SEMA3A: variants seen among roughly 807,000 people sequenced by gnomAD.
SEMA3A encodes semaphorin 3A.
In SEMA3A, 29 loss-of-function variants were observed where a neutral mutation model predicts 97.9. The ratio of observed to expected loss-of-function variants is 0.30; its 90% CI spans 0.22 to 0.40. SEMA3A has a LOEUF of 0.40. Ranked by LOEUF, SEMA3A falls within the 10% of genes least tolerant of loss-of-function variation. SEMA3A has a pLI of 1.00. For synonymous variants in SEMA3A, 321 were observed against 323.7 expected, an observed-to-expected ratio of 0.99 and a Z score of 0.09; for missense variants, 763 against 951.3, an observed-to-expected ratio of 0.80 and a Z score of 2.60.
At chr7:84,343,814 A>C (rs1422739308) in intron 2 of SEMA3A, among the ~76,000 whole-genome samples, 1 of 152,160 alleles carries the variant, frequency 6.6e-6, no homozygotes, top group Non-Finnish European at 1.5e-5. Flanking sequence ...GAACATAATA[A>C]GACTTCATTT....
chr7:84,424,966 T>G (rs1424577504), intron 1 of SEMA3A, among the ~76,000 whole-genome samples: 1 of 102,304 alleles, frequency 9.8e-6, no homozygotes, highest in Admixed American at 1.5e-4. Context: ...TATATATAAT[T>G]TATATATTTA....
chr7:84,095,358 C>CACATATATATATATATATAT (rs1211794166), intron 4 of SEMA3A, among the ~76,000 whole-genome samples: 1,565 of 122,614 alleles, frequency 0.013, 56 homozygotes, highest in South Asian at 0.026. Context: ...TTTTTATATA[C>CACATATATATATATATATAT]ATATATATAT....
chr7:84,085,116 A>C (rs1334919941), intron 4 of SEMA3A, among the ~76,000 whole-genome samples: 1 of 152,136 alleles, frequency 6.6e-6, no homozygotes, highest in Non-Finnish European at 1.5e-5. Flanking sequence ...ATCTCTTTCA[A>C]ATAAAGAGGA....
chr7:84,455,100 TC>T (rs1231586528), intron 1 of SEMA3A, among the ~76,000 whole-genome samples: 36 of 152,100 alleles, frequency 2.4e-4, no homozygotes, highest in African/African-American at 8.4e-4. Flanking sequence ...ATATATTAAT[TC>T]TTTCTATCAG....
intron 5 of SEMA3A, among the ~76,000 whole-genome samples, chr7:84,049,089 C>T (rs1792482054): frequency 1.3e-5 from 2 of 152,002 alleles, no homozygotes; most frequent in Admixed American, 6.6e-5. Flanking sequence ...AACAGGTATT[C>T]AGTAAAAGAG....
At chr7:83,969,009 C>T (rs915378579) in intron 15 of SEMA3A, among the ~76,000 whole-genome samples, 6 of 151,988 alleles carry the variant, frequency 3.9e-5, no homozygotes, top group African/African-American at 1.4e-4. Context: ...TAGGGTTTTA[C>T]CATGTTGGCC....
chr7:84,135,096 A>C, intron 1 of SEMA3A, 145 bp from the exon 2 acceptor site: 1 of 535,966 alleles, frequency 1.9e-6, no homozygotes, highest in Non-Finnish European at 3.0e-6. Flanking sequence ...ATATATTGGA[A>C]CCAAAATGTG....
At chr7:84,342,226 G>C (rs1802189020) in intron 2 of SEMA3A, among the ~76,000 whole-genome samples, 1 of 151,986 alleles carries the variant, frequency 6.6e-6, no homozygotes. Context: ...GTAGAGATGG[G>C]GTTTCTCCAT....
intron 5 of SEMA3A, among the ~76,000 whole-genome samples, chr7:84,054,533 G>A (rs2115647255): frequency 6.6e-6 from 1 of 151,486 alleles, no homozygotes; most frequent in African/African-American, 2.4e-5. Flanking sequence ...TGTAGTTCTC[G>A]AGCCTTGGTT....
intron 3 of SEMA3A, among the ~76,000 whole-genome samples, chr7:84,275,038 A>G (rs972036996): frequency 2.6e-5 from 4 of 152,112 alleles, no homozygotes; most frequent in Non-Finnish European, 5.9e-5. Flanking sequence ...CTGCCACTTA[A>G]TAAGTCTGAT....
chr7:84,421,544 C>T (rs1259846571), intron 1 of SEMA3A, among the ~76,000 whole-genome samples: 1 of 152,026 alleles, frequency 6.6e-6, no homozygotes, highest in Non-Finnish European at 1.5e-5. Context: ...CCAGAACTTC[C>T]AATACTATGT....
chr7:84,319,921 T>C (rs780417288), intron 2 of SEMA3A, among the ~76,000 whole-genome samples: 11 of 152,158 alleles, frequency 7.2e-5, no homozygotes, highest in Non-Finnish European at 1.5e-4. Context: ...ATATTACGCA[T>C]TTAAAAATCA....
chr7:84,012,263 G>A (rs374090746), intron 7 of SEMA3A, among the ~76,000 whole-genome samples: 2 of 152,248 alleles, frequency 1.3e-5, no homozygotes, highest in East Asian at 3.9e-4. Flanking sequence ...GTGAGATAAT[G>A]CATATTAATT....
intron 3 of SEMA3A, among the ~76,000 whole-genome samples, chr7:84,208,873 G>T (rs1798560287): frequency 6.6e-6 from 1 of 152,064 alleles, no homozygotes; most frequent in African/African-American, 2.4e-5. Flanking sequence ...CATTATACAT[G>T]GATCTAAAGG....
At chr7:84,448,663 A>C (rs558163495) in intron 1 of SEMA3A, among the ~76,000 whole-genome samples, 1 of 152,212 alleles carries the variant, frequency 6.6e-6, no homozygotes, top group Admixed American at 6.5e-5. Flanking sequence ...ATGAACATTA[A>C]AAAAAGTAAA....
At chr7:84,232,159 T>C (rs13244575) in intron 3 of SEMA3A, among the ~76,000 whole-genome samples, 9,568 of 150,806 alleles carry the variant, frequency 0.063, 382 homozygotes, top group African/African-American at 0.12. Flanking sequence ...TCTGTCAAAA[T>C]TCTCTTTAAG....
rs75143334 is a variant in SEMA3A at position 84,193,593 on chromosome 7, T to A, written c.112+882A>T. ...AAGATTTACTGCCACTAAATGTATGTATATCATTTTGGGCTCTACTTTAGC... is the reference window on the plus strand; with the variant it reads ...AAGATTTACTGCCACTAAATGTATGAATATCATTTTGGGCTCTACTTTAGC... On this transcript the variant is annotated intron_variant, in intron 1 of 16. Coordinates refer to ENST00000265362, the MANE Select transcript of SEMA3A (RefSeq NM_006080.3). Among the ~76,000 whole-genome samples the A allele has an allele frequency of 6.0e-3, 913 of 152,176 alleles. 4 individuals are homozygous for A. Among genetic ancestry groups the A allele is most frequent in the Non-Finnish European group, 0.01 (693 of 67,930 alleles).
At chr7:84,052,854 C>G (rs1792746539) in intron 5 of SEMA3A, among the ~76,000 whole-genome samples, 1 of 151,382 alleles carries the variant, frequency 6.6e-6, no homozygotes, top group African/African-American at 2.4e-5. Flanking sequence ...GCATTTAGTG[C>G]TATAAATTTC....
intron 2 of SEMA3A, among the ~76,000 whole-genome samples, chr7:84,131,282 T>A (rs1253514183): frequency 6.6e-6 from 1 of 152,154 alleles, no homozygotes; most frequent in African/African-American, 2.4e-5. Flanking sequence ...TAATTACTAA[T>A]GTTTTGGATG....
Sources: allele counts gnomAD v4.1 joint callset (sites outside exome capture counted in the v4.1 genomes callset), GRCh38; gene constraint gnomAD v4.1.1; transcripts MANE v1.5; gene names NCBI Gene and HGNC (gene_info 2026-07-23, HGNC 2026-07-21).